Variants in MYH9 observed in about 807,000 individuals in gnomAD.
MYH9 encodes myosin heavy chain 9.
MYH9 carries 29 observed loss-of-function variants against 241.9 expected under a neutral mutation model. The ratio of observed to expected loss-of-function variants is 0.12; its 90% CI spans 0.09 to 0.16. The LOEUF is 0.16. MYH9 is among the 10% of genes least tolerant of loss of function. MYH9 has a pLI of 1.00. For missense variants in MYH9, 1,803 were observed against 2,595.5 expected, an observed-to-expected ratio of 0.69 and a Z score of 6.63; for synonymous variants, 1,047 against 1,062.6, an observed-to-expected ratio of 0.99 and a Z score of 0.29.
In MYH9 at chr22:36,291,997, T is replaced by C; in HGVS notation, c.4333A>G (p.Lys1445Glu). The change falls in exon 31 of 41, where the codon AAG (lysine) becomes GAG (glutamate). Residue 1445 changes from lysine to glutamate, a missense_variant. Lys to Glu is a moderately conservative substitution (Grantham distance 56). Around this residue, in one of 11 missense-constraint regions of MYH9, gnomAD observed 876 missense variants for 1,077.8 expected, o/e 0.81. Coordinates refer to ENST00000216181, the MANE Select transcript of MYH9 (RefSeq NM_002473.6). Reference protein sequence around the residue: ...SACNLEKKQKKFDQLLAEEKT... With the variant: ...SACNLEKKQKEFDQLLAEEKT... ...CAACGGCCACACACCTGGTCAAACTTCTTCTGCTTCTTCTCCAGGTTGCAC... is the reference window on the plus strand; with the variant it reads ...CAACGGCCACACACCTGGTCAAACTCCTTCTGCTTCTTCTCCAGGTTGCAC... The C allele has an allele frequency of 6.2e-7, 1 of 1,614,142 alleles. No homozygotes were observed. The highest frequency in any genetic ancestry group is 8.5e-7 in the Non-Finnish European group (1 of 1,180,014).
intron 15 of MYH9, chr22:36,308,774 A>G (rs2017012605): frequency 2.0e-5 from 19 of 973,304 alleles, no homozygotes; most frequent in Non-Finnish European, 2.3e-5. Flanking sequence ...GACGCACCAC[A>G]CACACAAGAG....
rs1266024431 is a variant in MYH9 at position 36,309,477 on chromosome 22, C to T, written c.1729-81G>A. The T allele has an allele frequency of 1.0e-5, 11 of 1,063,894 alleles. No individual in the cohort carries two copies. In the South Asian group the frequency reaches 1.3e-4, roughly 12 times the overall value. The allele number at this position is 1,063,894 out of a possible 1,614,324, so 65.9% of individuals were successfully genotyped here. On this transcript the variant is annotated intron_variant, in intron 14 of 40. Transcript: ENST00000216181. ...CAGGGTCTCCGGAGCACAGGCTAACCCCATGCATGGAAAAGTCAGAAAACG... is the reference window on the plus strand; with the variant it reads ...CAGGGTCTCCGGAGCACAGGCTAACTCCATGCATGGAAAAGTCAGAAAACG...
Position 36,288,384 on chromosome 22 carries a change from G to C in MYH9, c.4800C>G (p.Asp1600Glu). Reference sequence around the variant, plus strand: ...CTGCCATCGAGCGCTGCTTCCTCTCGTCCTCCAGCTCTGCCTCCATCTCCC... The same window carrying C: ...CTGCCATCGAGCGCTGCTTCCTCTCCTCCTCCAGCTCTGCCTCCATCTCCC... ...QVREMEAELE[D>E]ERKQRSMAVA... is the part of the protein sequence containing the mutation. Residue 1600 changes from aspartate to glutamate, a missense_variant, in exon 34 of 41, where the codon GAC becomes GAG. This residue lies in a region of MYH9 where 876 missense variants were observed against 1,077.8 expected (regional missense o/e 0.81). Coordinates refer to ENST00000216181, the MANE Select transcript of MYH9 (RefSeq NM_002473.6). The surrounding 1 kb of genome is among the most constrained non-coding windows in gnomAD (Gnocchi z 4.8). 1 of 1,612,696 alleles carries C rather than the reference G, an allele frequency of 6.2e-7. No individual in the cohort carries two copies. Among genetic ancestry groups the C allele is most frequent in the South Asian group, 1.1e-5 (1 of 91,074 alleles).
intron 1 of MYH9, among the ~76,000 whole-genome samples, chr22:36,367,871 A>G (rs1424347908): frequency 2.0e-5 from 3 of 152,122 alleles, no homozygotes; most frequent in Non-Finnish European, 4.4e-5. Flanking sequence ...TCCCCTCCCC[A>G]GTCCAAGATG....
At chr22:36,341,760 G>A (rs2017594057) in intron 2 of MYH9, among the ~76,000 whole-genome samples, 1 of 152,186 alleles carries the variant, frequency 6.6e-6, no homozygotes, top group South Asian at 2.1e-4. Flanking sequence ...TCCACTGCAG[G>A]AGTGCTCCAG....
chr22:36,384,762 G>A (rs2018325123), intron 1 of MYH9, among the ~76,000 whole-genome samples: 1 of 151,198 alleles, frequency 6.6e-6, no homozygotes, highest in South Asian at 2.1e-4. Context: ...CATCCAAGCT[G>A]TGAGGCTATG....
Position 36,348,991 on chromosome 22 carries a change from C to T in MYH9, c.246G>A (p.Lys82=). Residue 82 remains lysine, a synonymous_variant, in exon 2 of 41, where the codon AAG becomes AAA. Coordinates refer to ENST00000216181, the MANE Select transcript of MYH9 (RefSeq NM_002473.6). The part of the protein sequence containing the change: ...IQKMNPPKFS[K]VEDMAELTCL... ...ACGTGAGCTCTGCCATGTCCTCCACCTTGGAGAACTTGGGCGGGTTCATCT... is the reference window on the plus strand; with the variant it reads ...ACGTGAGCTCTGCCATGTCCTCCACTTTGGAGAACTTGGGCGGGTTCATCT... 1 of 1,614,264 alleles carries T rather than the reference C, an allele frequency of 6.2e-7. No homozygotes were observed. Among genetic ancestry groups the T allele is most frequent in the Non-Finnish European group, 8.5e-7 (1 of 1,180,052 alleles).
chr22:36,287,450 C>T (rs911116599), intron 34 of MYH9, among the ~76,000 whole-genome samples: 2 of 151,860 alleles, frequency 1.3e-5, no homozygotes, highest in African/African-American at 4.8e-5. Context: ...TTACACTTAA[C>T]ATTTTTTTTT....
intron 1 of MYH9, among the ~76,000 whole-genome samples, chr22:36,365,766 T>C (rs1282745258): frequency 2.0e-5 from 3 of 152,222 alleles, no homozygotes; most frequent in African/African-American, 7.2e-5. Flanking sequence ...CGGCCTTTTT[T>C]TAAATTTTAA....
chr22:36,331,660 T>C (rs1045260619), intron 3 of MYH9, among the ~76,000 whole-genome samples: 1 of 152,028 alleles, frequency 6.6e-6, no homozygotes, highest in Non-Finnish European at 1.5e-5. Flanking sequence ...CAACAGGAAG[T>C]ACAGAGGAAG....
chr22:36,338,259 C>T (rs943347268), intron 3 of MYH9, among the ~76,000 whole-genome samples: 2 of 151,948 alleles, frequency 1.3e-5, no homozygotes, highest in Admixed American at 1.3e-4. Flanking sequence ...CTCGGCCTCC[C>T]AAAGTGCTGG....
rs2146406091 is a variant in MYH9, at chr22:36,361,219, C to T, written c.-19-11964G>A. On this transcript the variant is annotated intron_variant, in intron 1 of 40. Coordinates refer to ENST00000216181, the MANE Select transcript of MYH9 (RefSeq NM_002473.6). ...TGTTTGCTTACAGAAGAAGCTGGAA[C>T]TTGTTTCCATTAGCAGTATTCCAAC... is the stretch of plus-strand genomic sequence containing the variant. 1.3e-5 allele frequency among the ~76,000 whole-genome samples: 2 copies of T among 152,342 alleles called. 1 individual carries two copies. The highest frequency in any genetic ancestry group is 4.1e-4 in the South Asian group (2 of 4,832).
chr22:36,348,834 A>ACGGGGGGGGGGGGGG, intron 2 of MYH9, 70 bp downstream of exon 2: 1 of 888,380 alleles, frequency 1.1e-6, no homozygotes, highest in Non-Finnish European at 1.6e-6. Flanking sequence ...GGGTGATGGG[A>ACGGGGGGGGGGGGGG]AGACCCGCCC....
intron 20 of MYH9, 61 bp from the exon 21 acceptor site, chr22:36,301,726 GGT>G: frequency 2.5e-6 from 4 of 1,600,166 alleles, no homozygotes; most frequent in Non-Finnish European, 3.4e-6. Flanking sequence ...TCTGCCAACA[GGT>G]GTGAGGCCTC....
intron 1 of MYH9, among the ~76,000 whole-genome samples, chr22:36,359,604 G>C (rs982790454): frequency 6.6e-6 from 1 of 152,246 alleles, no homozygotes; most frequent in Non-Finnish European, 1.5e-5. Context: ...TTTACATATA[G>C]TTCAACCATC....
intron 15 of MYH9, among the ~76,000 whole-genome samples, chr22:36,308,084 T>A (rs1309453763): frequency 1.3e-5 from 2 of 152,016 alleles, no homozygotes; most frequent in South Asian, 2.1e-4. Context: ...GGAGCAGACC[T>A]TGCCGAGCAA....
chr22:36,285,226 T>C lies in MYH9; in HGVS notation c.5378A>G (p.Lys1793Arg), dbSNP rs141440715. The C allele has an allele frequency of 2.6e-4, 419 of 1,614,104 alleles. No homozygotes were observed. Among genetic ancestry groups the C allele is most frequent in the Non-Finnish European group, 3.4e-4 (407 of 1,180,052 alleles). The change falls in exon 38 of 41, where the codon AAG becomes AGG. Residue 1793 changes from lysine (K) to arginine (R), a missense_variant. Lys to Arg is a conservative substitution (Grantham distance 26). Coordinates refer to ENST00000216181, the MANE Select transcript of MYH9 (RefSeq NM_002473.6). This position sits in a 1 kb window ranked among gnomAD's most constrained non-coding sequence, Gnocchi z 7.0. ...LERQNKELKV[K>R]LQEMEGTVKS... ...GACAGTGCCCTCCATCTCCTGCAGC[T>C]TGACCTTAAGCTCCTTGTTCTGGCG...
intron 1 of MYH9, among the ~76,000 whole-genome samples, chr22:36,351,854 A>G (rs1238042019): frequency 6.6e-6 from 1 of 152,132 alleles, no homozygotes; most frequent in African/African-American, 2.4e-5. Context: ...GCATCTGAGG[A>G]CATCGGTGCC....
intron 3 of MYH9, among the ~76,000 whole-genome samples, chr22:36,335,506 G>T (rs1013685953): frequency 6.6e-6 from 1 of 152,216 alleles, no homozygotes; most frequent in African/African-American, 2.4e-5. Flanking sequence ...TGCCTGTCCC[G>T]GTGAGTCGAT....
Sources: allele counts gnomAD v4.1 joint callset (sites outside exome capture counted in the v4.1 genomes callset), GRCh38; gene constraint gnomAD v4.1.1; regional missense constraint gnomAD v4.1.1; non-coding constraint Gnocchi (gnomAD v3.1); transcripts MANE v1.5; gene names NCBI Gene and HGNC (gene_info 2026-07-23, HGNC 2026-07-21).